Variants in MEX3D observed in about 807,000 individuals in gnomAD.
MEX3D encodes the protein RNA-binding protein MEX3D.
Under a neutral mutation model 6.3 loss-of-function variants are expected in MEX3D, and 4 were observed. The observed-to-expected ratio is 0.64, with a 90% confidence interval of 0.31 to 1.46. The LOEUF is 1.46. Ranked by LOEUF, MEX3D falls within the 40% of genes most tolerant of loss-of-function variation. MEX3D has a pLI of 0.07. For synonymous variants in MEX3D, 626 were observed against 494.1 expected (o/e 1.27, Z -3.54); for missense variants, 1,038 against 994.4 (o/e 1.04, Z -0.59).
chr19:1,566,347 G>A (rs1017373285), intron 1 of MEX3D, among the ~76,000 whole-genome samples: 1 of 152,228 alleles, frequency 6.6e-6, no homozygotes, highest in South Asian at 2.1e-4. Flanking sequence ...TGGACCGAGG[G>A]AAAGGGCGGA....
In MEX3D at chr19:1,567,633, C is replaced by A. The variant is rs1400028794; in HGVS notation, c.426G>T (p.Ser142=). Residue 142 remains serine, a synonymous_variant, in exon 1 of 2, where the codon TCG becomes TCT. Transcript: ENST00000402693. The surrounding 1 kb of genome is among the most constrained non-coding windows in gnomAD (Gnocchi z 6.5). ...SPPPPPPPRP[S]PPDVFAGFAP... is the part of the protein sequence containing the mutation. ...CGAAGCCCGCGAACACGTCGGGGGG[C>A]GACGGCCGGGGCGGCGGCGGCGGCG... 4.7e-6 allele frequency: 6 copies of A among 1,268,780 alleles called. No homozygotes were observed. Among genetic ancestry groups the A allele is most frequent in the South Asian group, 2.7e-5 (1 of 36,814 alleles). The allele number at this position is 1,268,780 out of a possible 1,614,324, so 78.6% of individuals were successfully genotyped here. A position where few individuals can be genotyped will look rare whatever the true frequency, so the allele number is the denominator to read the frequency against.
chr19:1,566,316 G>C (rs531206699), intron 1 of MEX3D, among the ~76,000 whole-genome samples: 1 of 152,194 alleles, frequency 6.6e-6, no homozygotes, highest in Non-Finnish European at 1.5e-5. Context: ...AAAGACAGGA[G>C]GCTGTGGTGC....
chr19:1,556,227 C>A lies in MEX3D; in HGVS notation c.1292G>T (p.Gly431Val). Reference protein sequence around the residue: ...ASPYSGSGNGGFAFGAEGPGA... With the variant: ...ASPYSGSGNGVFAFGAEGPGA... ...GGGACCCTCCGCGCCGAAGGCGAAG[C>A]CCCCGTTGCCGGAGCCGCTGTAGGG... The change falls in exon 2 of 2, where the codon GGC (glycine) becomes GTC (valine). Residue 431 changes from glycine to valine, a missense_variant. Physicochemically the swap from Gly to Val is moderately radical, Grantham distance 109 (BLOSUM62 -3). Coordinates refer to ENST00000402693, the MANE Select transcript of MEX3D (RefSeq NM_203304.4). The surrounding 1 kb of genome is among the most constrained non-coding windows in gnomAD (Gnocchi z 7.5). 2 of 1,405,438 alleles carry A rather than the reference C, an allele frequency of 1.4e-6. No homozygotes were observed. Among genetic ancestry groups the A allele is most frequent in the South Asian group, 1.3e-5 (1 of 74,866 alleles). 87.1% of individuals were successfully genotyped at this position (1,405,438 alleles called of 1,614,324 possible). A position where few individuals can be genotyped will look rare whatever the true frequency, so the allele number is the denominator to read the frequency against.
chr19:1,558,052 A>C, intron 1 of MEX3D, among the ~76,000 whole-genome samples: 1 of 142,330 alleles, frequency 7.0e-6, no homozygotes, highest in Admixed American at 8.1e-5. Flanking sequence ...TCCATTTCAA[A>C]AAAAAAAAAA....
At position 1,556,967 on chromosome 19, in the gene MEX3D, T is replaced by A. The variant is rs761789324; in HGVS notation, c.596-44A>T. 3.9e-6 allele frequency: 6 copies of A among 1,546,012 alleles called. No homozygotes were observed. Among genetic ancestry groups the A allele is most frequent in the Non-Finnish European group, 4.3e-6 (5 of 1,152,180 alleles). ...AAGGACAAGGTGACCCAGAGCCCCC[T>A]GCGCAGCTCAGCCCCGCTGGGCATG... On this transcript the variant is annotated intron_variant, in intron 1 of 1. Transcript: ENST00000402693. This position sits in a 1 kb window ranked among gnomAD's most constrained non-coding sequence, Gnocchi z 7.5.
chr19:1,555,194 C>T lies in MEX3D; in HGVS notation c.*369G>A, dbSNP rs1914481203. ...AACGGCTTCGGACGAAAGGAAAAAA[C>T]GCTGAGCGCTGGAAAAGTCGTGTTT... On this transcript the variant is annotated 3_prime_UTR_variant, in exon 2 of 2. Transcript: ENST00000402693. The T allele has an allele frequency of 2.3e-6, 2 of 866,856 alleles. No homozygotes were observed. Among genetic ancestry groups the T allele is most frequent in the Admixed American group, 7.6e-5 (2 of 26,368 alleles). The allele number at this position is 866,856 out of a possible 1,614,324, so 53.7% of individuals were successfully genotyped here.
chr19:1,556,557 G>T lies in MEX3D; in HGVS notation c.962C>A (p.Thr321Asn). 1 of 1,608,422 alleles carries T rather than the reference G, an allele frequency of 6.2e-7. No individual in the cohort carries two copies. Residue 321 changes from threonine (T) to asparagine (N), a missense_variant, in exon 2 of 2, where the codon ACT becomes AAT. Thr to Asn is a moderately conservative substitution (Grantham distance 65). Transcript: ENST00000402693. This position sits in a 1 kb window ranked among gnomAD's most constrained non-coding sequence, Gnocchi z 7.5. ...GCGGTCCACGTTCTCGGGCATCCCA[G>T]TGACCGCGAACACCGGCTCCTTGTC... is the stretch of plus-strand genomic sequence containing the variant. ...GRDKEPVFAV[T>N]GMPENVDRAR...
At chr19:1,557,054 C>A in intron 1 of MEX3D, 131 bp from the exon 2 acceptor site, 1 of 1,105,580 alleles carries the variant, frequency 9.0e-7, no homozygotes, top group Non-Finnish European at 1.3e-6. Flanking sequence ...ACACTTTATC[C>A]TCAGACACGC....
At position 1,555,680 on chromosome 19, in the gene MEX3D, G is replaced by T. The variant is rs1277958296; in HGVS notation, c.1839C>A (p.Val613=). The part of the protein sequence containing the change: ...CAEGEVMAAL[V]PCGHNLFCMD... ...TGCAGAAGAGGTTGTGGCCGCAGGG[G>T]ACCAGCGCAGCCATCACCTCGCCCT... Residue 613 remains valine, a synonymous_variant, in exon 2 of 2, where the codon GTC becomes GTA. Coordinates refer to ENST00000402693, the MANE Select transcript of MEX3D (RefSeq NM_203304.4). The T allele has an allele frequency of 3.8e-6, 6 of 1,575,102 alleles. No individual in the cohort carries two copies. The highest frequency in any genetic ancestry group is 2.7e-5 in the African/African-American group (2 of 73,562).
Position 1,555,352 on chromosome 19 carries a change from TGAG to T in MEX3D, c.*208_*210del. On this transcript the variant is annotated 3_prime_UTR_variant, in exon 2 of 2. Transcript: ENST00000402693. ...CCACTCAATACTGTCGTTGAAGGGC[TGAG>T]GCGCCGCCGGGCTGCGGGGTCTCCG... 1 of 1,601,564 alleles carries T rather than the reference TGAG, an allele frequency of 6.2e-7. No homozygotes were observed. Among genetic ancestry groups the T allele is most frequent in the Middle Eastern group, 1.7e-4 (1 of 6,014 alleles).
rs1914861072 is a variant in MEX3D, at chr19:1,567,090, T to TGTGCTGGGTGTGGGGCGCCCCCCGCCC, written c.595+347_595+373dup. Among the ~76,000 whole-genome samples, 1 of 151,930 alleles carries TGTGCTGGGTGTGGGGCGCCCCCCGCCC rather than the reference T, an allele frequency of 6.6e-6. No homozygotes were observed. The highest frequency in any genetic ancestry group is 2.4e-5 in the African/African-American group (1 of 41,372). On this transcript the variant is annotated intron_variant, in intron 1 of 1. Coordinates refer to ENST00000402693, the MANE Select transcript of MEX3D (RefSeq NM_203304.4). This position sits in a 1 kb window ranked among gnomAD's most constrained non-coding sequence, Gnocchi z 6.5. ...CCTGCGCTTGCCCCGCCCCGCCGCC[T>TGTGCTGGGTGTGGGGCGCCCCCCGCCC]GTGCTGGGTGTGGGGCGCCCCCCGC...
At position 1,567,914 on chromosome 19, in the gene MEX3D, GC is replaced by G; in HGVS notation, c.144del (p.Pro49ArgfsTer119). On this transcript the variant is annotated frameshift_variant, in exon 1 of 2. Coordinates refer to ENST00000402693, the MANE Select transcript of MEX3D (RefSeq NM_203304.4). LOFTEE classifies it high-confidence loss of function. The surrounding 1 kb of genome is among the most constrained non-coding windows in gnomAD (Gnocchi z 6.5). ...GCGGCCGCGTCGTCGGGTTCGGGCG[GC>G]GGCCGGGGCGCGGGCGCGGCCTCCT... ...GAQEAAPAPRPPPEPDDAAAA... is the reference protein window; with the variant it reads ...GAQEAAPAPRXPPEPDDAAAA... The G allele has an allele frequency of 1.0e-6, 1 of 979,268 alleles. No individual in the cohort carries two copies. The highest frequency in any genetic ancestry group is 1.2e-6 in the Non-Finnish European group (1 of 827,532). The allele number at this position is 979,268 out of a possible 1,614,324, so 60.7% of individuals were successfully genotyped here. A position where few individuals can be genotyped will look rare whatever the true frequency, so the allele number is the denominator to read the frequency against.
Position 1,568,151 on chromosome 19 carries a change from C to T in MEX3D, c.-93G>A, listed in dbSNP as rs1914904750. Reference sequence around the variant, plus strand: ...CGCCTCTGCGAGCTGGGCCGCCGGCCGCCTGCATCCAGCGGCGGGGGCGGG... The same window carrying T: ...CGCCTCTGCGAGCTGGGCCGCCGGCTGCCTGCATCCAGCGGCGGGGGCGGG... On this transcript the variant is annotated 5_prime_UTR_variant, in exon 1 of 2. Coordinates refer to ENST00000402693, the MANE Select transcript of MEX3D (RefSeq NM_203304.4). The T allele has an allele frequency of 2.1e-6, 2 of 971,396 alleles. No individual in the cohort carries two copies. The highest frequency in any genetic ancestry group is 2.4e-6 in the Non-Finnish European group (2 of 821,918). The allele number at this position is 971,396 out of a possible 1,614,324, so 60.2% of individuals were successfully genotyped here.
At position 1,556,940 on chromosome 19, in the gene MEX3D, G is replaced by A. The variant is rs1002125403; in HGVS notation, c.596-17C>T. Reference sequence around the variant, plus strand: ...TCTTGCAGCCTGTCCGGGAGGGAGGGGAAGGACAAGGTGACCCAGAGCCCC... The same window carrying A: ...TCTTGCAGCCTGTCCGGGAGGGAGGAGAAGGACAAGGTGACCCAGAGCCCC... On this transcript the variant is annotated splice_polypyrimidine_tract_variant and intron_variant, in intron 1 of 1. Coordinates refer to ENST00000402693, the MANE Select transcript of MEX3D (RefSeq NM_203304.4). The surrounding 1 kb of genome is among the most constrained non-coding windows in gnomAD (Gnocchi z 7.5). 19 of 1,579,418 alleles carry A rather than the reference G, an allele frequency of 1.2e-5. No individual in the cohort carries two copies. The highest frequency in any genetic ancestry group is 1.5e-5 in the Non-Finnish European group (17 of 1,166,404).
rs1052730402 is a variant in MEX3D, at chr19:1,567,048, C to G, written c.595+416G>C. Among the ~76,000 whole-genome samples, 9 of 152,122 alleles carry G rather than the reference C, an allele frequency of 5.9e-5. No individual in the cohort carries two copies. The highest frequency in any genetic ancestry group is 1.7e-4 in the African/African-American group (7 of 41,426). Reference sequence around the variant, plus strand: ...CTCTCCCGGTCCTGCAGGCGGCCCCCCTAAGCCACCCCTAAACCTGCGCTT... The same window carrying G: ...CTCTCCCGGTCCTGCAGGCGGCCCCGCTAAGCCACCCCTAAACCTGCGCTT... On this transcript the variant is annotated intron_variant, in intron 1 of 1. Transcript: ENST00000402693. This position sits in a 1 kb window ranked among gnomAD's most constrained non-coding sequence, Gnocchi z 6.5.
chr19:1,557,807 C>T (rs552638374), intron 1 of MEX3D, among the ~76,000 whole-genome samples: 69 of 128,518 alleles, frequency 5.4e-4, no homozygotes, highest in African/African-American at 1.8e-3. Flanking sequence ...TGCAGTGAGC[C>T]GAGATCGCAC....
In MEX3D at chr19:1,556,938, G is replaced by A; in HGVS notation, c.596-15C>T. 1 of 1,583,304 alleles carries A rather than the reference G, an allele frequency of 6.3e-7. No individual in the cohort carries two copies. Among genetic ancestry groups the A allele is most frequent in the Non-Finnish European group, 8.6e-7 (1 of 1,167,756 alleles). ...GATCTTGCAGCCTGTCCGGGAGGGA[G>A]GGGAAGGACAAGGTGACCCAGAGCC... On this transcript the variant is annotated splice_polypyrimidine_tract_variant and intron_variant, in intron 1 of 1. Transcript: ENST00000402693. This position sits in a 1 kb window ranked among gnomAD's most constrained non-coding sequence, Gnocchi z 7.5.
chr19:1,556,217 G>T lies in MEX3D; in HGVS notation c.1302C>A (p.Phe434Leu). The change falls in exon 2 of 2, where the codon TTC (phenylalanine) becomes TTA (leucine). Residue 434 changes from phenylalanine to leucine, a missense_variant. Physicochemically the swap from Phe to Leu is conservative, Grantham distance 22. This residue lies in a region of MEX3D where 581 missense variants were observed against 516.2 expected (regional missense o/e 1.13). Transcript: ENST00000402693. This position sits in a 1 kb window ranked among gnomAD's most constrained non-coding sequence, Gnocchi z 7.5. ...CCGGGGCACCGGGACCCTCCGCGCC[G>T]AAGGCGAAGCCCCCGTTGCCGGAGC... ...YSGSGNGGFA[F>L]GAEGPGAPVG... The T allele has an allele frequency of 2.1e-6, 3 of 1,425,362 alleles. No individual in the cohort carries two copies. Among genetic ancestry groups the T allele is most frequent in the Non-Finnish European group, 2.8e-6 (3 of 1,090,390 alleles). 88.3% of individuals were successfully genotyped at this position (1,425,362 alleles called of 1,614,324 possible). A position where few individuals can be genotyped will look rare whatever the true frequency, so the allele number is the denominator to read the frequency against.
rs770101453 is a variant in MEX3D, at chr19:1,556,633, T to C, written c.886A>G (p.Ile296Val). Residue 296 changes from isoleucine to valine, a missense_variant, in exon 2 of 2, where the codon ATC (isoleucine) becomes GTC (valine). By Grantham distance (29) the Ile-to-Val change is conservative. Transcript: ENST00000402693. The surrounding 1 kb of genome is among the most constrained non-coding windows in gnomAD (Gnocchi z 7.5). ...TGCGTCCGCTGCTGGATGCGCTTGA[T>C]GGTGGCGCCCTTGGGCCCCACCACC... ...GLVVGPKGATIKRIQQRTHTY... is the reference protein window; with the variant it reads ...GLVVGPKGATVKRIQQRTHTY... The C allele has an allele frequency of 1.2e-6, 2 of 1,610,638 alleles. No homozygotes were observed. The highest frequency in any genetic ancestry group is 1.7e-6 in the Non-Finnish European group (2 of 1,179,154).
Sources: allele counts gnomAD v4.1 joint callset (sites outside exome capture counted in the v4.1 genomes callset), GRCh38; gene constraint gnomAD v4.1.1; regional missense constraint gnomAD v4.1.1; non-coding constraint Gnocchi (gnomAD v3.1); transcripts MANE v1.5; gene names NCBI Gene and HGNC (gene_info 2026-07-23, HGNC 2026-07-21).